Variants in EPS8 observed in about 807,000 individuals in gnomAD.
EPS8 encodes the protein EGFR pathway substrate 8, signaling adaptor.
A neutral mutation model predicts 103.8 loss-of-function variants in EPS8; 42 were observed. That is an observed-to-expected ratio of 0.40 (90% CI 0.32 to 0.52). The LOEUF is 0.52. EPS8 is among the 20% of genes least tolerant of loss of function. The pLI is 0.40. For synonymous variants in EPS8, 344 were observed against 344.6 expected, an observed-to-expected ratio of 1.00 and a Z score of 0.02; for missense variants, 969 against 1,005.1, an observed-to-expected ratio of 0.96 and a Z score of 0.49.
chr12:15,657,802 T>C (rs901837142), intron 12 of EPS8: 10 of 340,494 alleles, frequency 2.9e-5, no homozygotes, highest in South Asian at 1.5e-4. Context: ...CTAGTATACG[T>C]TGAAATACTG....
At position 15,654,053 on chromosome 12, in the gene EPS8, C is replaced by T. The variant is rs1945463841; in HGVS notation, c.1250+92G>A. 4.8e-6 allele frequency: 6 copies of T among 1,250,620 alleles called. No individual in the cohort carries two copies. In the Admixed American group the frequency reaches 8.1e-5, roughly 17 times the overall value. The allele number at this position is 1,250,620 out of a possible 1,614,324, so 77.5% of individuals were successfully genotyped here. ...TTTTTTCATCCTATGACGCTTAGTC[C>T]TTCGTATGTAGAAGGTTAAATAAAT... On this transcript the variant is annotated intron_variant, in intron 13 of 20. Transcript: ENST00000281172.
At chr12:15,709,111 TC>T (rs1422977092) in intron 1 of EPS8, among the ~76,000 whole-genome samples, 3 of 152,184 alleles carry the variant, frequency 2.0e-5, no homozygotes, top group Admixed American at 6.5e-5. Flanking sequence ...TTCATTTTTT[TC>T]AGTAACCAAA....
Position 15,734,719 on chromosome 12 carries a change from AAAAC to A in EPS8, c.-21-51751_-21-51748del, listed in dbSNP as rs1480553516. Among the ~76,000 whole-genome samples the A allele has an allele frequency of 1.3e-5, 2 of 152,152 alleles. No individual in the cohort carries two copies. The highest frequency in any genetic ancestry group is 2.4e-5 in the African/African-American group (1 of 41,428). On this transcript the variant is annotated intron_variant, in intron 1 of 20. Transcript: ENST00000281172. This position sits in a 1 kb window ranked among gnomAD's most constrained non-coding sequence, Gnocchi z 4.1. ...GAGCGAGACTCTGTCTCAAAAACAA[AAAAC>A]AAACAAACAAAAAAAAACAAAAAAG...
intron 6 of EPS8, among the ~76,000 whole-genome samples, chr12:15,667,363 T>C (rs11612558): frequency 0.37 from 56,061 of 151,898 alleles, 12,182 homozygotes; most frequent in Admixed American, 0.51. Context: ...GGAGTACTTG[T>C]ATAAAAGGGC....
intron 1 of EPS8, among the ~76,000 whole-genome samples, chr12:15,689,697 A>C (rs574893315): frequency 6.6e-6 from 1 of 152,222 alleles, no homozygotes; most frequent in African/African-American, 2.4e-5. Flanking sequence ...ATTAGTATTA[A>C]CTATAGTCAC....
chr12:15,689,060 C>A (rs1476762459), intron 1 of EPS8, among the ~76,000 whole-genome samples: 2 of 152,058 alleles, frequency 1.3e-5, no homozygotes, highest in Non-Finnish European at 2.9e-5. Context: ...GACAAAGGAA[C>A]TTTTCTTGTT....
At chr12:15,743,512 T>C (rs1375329305) in intron 1 of EPS8, among the ~76,000 whole-genome samples, 2 of 152,250 alleles carry the variant, frequency 1.3e-5, no homozygotes, top group Non-Finnish European at 2.9e-5. Flanking sequence ...CTTCAAACTA[T>C]ACTACAAGGC....
At chr12:15,666,933 C>CT (rs1415217906) in intron 6 of EPS8, among the ~76,000 whole-genome samples, 5 of 152,170 alleles carry the variant, frequency 3.3e-5, no homozygotes, top group African/African-American at 1.2e-4. Context: ...CAAAACAAAT[C>CT]TTTGAGTTTA....
rs1004970235 is a variant in EPS8, at chr12:15,734,701, ACT to A, written c.-21-51731_-21-51730del. Reference sequence around the variant, plus strand: ...AGAGCGAGACTCCGTACAGAGCGAGACTCTGTCTCAAAAACAAAAAACAAACA... The same window carrying A: ...AGAGCGAGACTCCGTACAGAGCGAGACTGTCTCAAAAACAAAAAACAAACA... On this transcript the variant is annotated intron_variant, in intron 1 of 20. Coordinates refer to ENST00000281172, the MANE Select transcript of EPS8 (RefSeq NM_004447.6). The surrounding 1 kb of genome is among the most constrained non-coding windows in gnomAD (Gnocchi z 4.1). Among the ~76,000 whole-genome samples the A allele has an allele frequency of 1.3e-5, 2 of 152,102 alleles. No individual in the cohort carries two copies. Among genetic ancestry groups the A allele is most frequent in the African/African-American group, 4.8e-5 (2 of 41,394 alleles).
Position 15,721,070 on chromosome 12 carries a change from G to A in EPS8, c.-21-38098C>T, listed in dbSNP as rs1946589656. Among the ~76,000 whole-genome samples the A allele has an allele frequency of 6.6e-6, 1 of 152,152 alleles. No individual in the cohort carries two copies. Among genetic ancestry groups the A allele is most frequent in the Admixed American group, 6.5e-5 (1 of 15,276 alleles). ...GAATACATACTTCTTGAGGGCAAGG[G>A]CCAGCCTTTGTTTACCACTGTATCC... On this transcript the variant is annotated intron_variant, in intron 1 of 20. Transcript: ENST00000281172. The surrounding 1 kb of genome is among the most constrained non-coding windows in gnomAD (Gnocchi z 4.4).
intron 1 of EPS8, chr12:15,788,143 G>C (rs1160738365): frequency 6.6e-6 from 1 of 152,138 alleles, no homozygotes; most frequent in Non-Finnish European, 1.5e-5. Flanking sequence ...AAATGACAAA[G>C]CCAAAAAGTC....
At chr12:15,630,622 T>C (rs1945028162) in intron 18 of EPS8, among the ~76,000 whole-genome samples, 1 of 152,204 alleles carries the variant, frequency 6.6e-6, no homozygotes, top group South Asian at 2.1e-4. Flanking sequence ...AGGCTAAATC[T>C]GAGACTACTA....
In EPS8 at chr12:15,698,061, G is replaced by A. The variant is rs1196731687; in HGVS notation, c.-21-15089C>T. On this transcript the variant is annotated intron_variant, in intron 1 of 20. Transcript: ENST00000281172. This position sits in a 1 kb window ranked among gnomAD's most constrained non-coding sequence, Gnocchi z 4.9. ...TGACACTCTTATATCCAACTTTGAGGCAACATATGTTTTACAAAGCATGGG... is the reference window on the plus strand; with the variant it reads ...TGACACTCTTATATCCAACTTTGAGACAACATATGTTTTACAAAGCATGGG... Among the ~76,000 whole-genome samples the A allele has an allele frequency of 1.3e-5, 2 of 152,040 alleles. No homozygotes were observed. The highest frequency in any genetic ancestry group is 2.4e-5 in the African/African-American group (1 of 41,404).
At chr12:15,705,485 A>G (rs1373561337) in intron 1 of EPS8, among the ~76,000 whole-genome samples, 1 of 151,860 alleles carries the variant, frequency 6.6e-6, no homozygotes, top group African/African-American at 2.4e-5. Context: ...CAAGGGGTTT[A>G]AAAAAAATCT....
At chr12:15,632,083 G>A (rs935730413) in intron 17 of EPS8, among the ~76,000 whole-genome samples, 2 of 151,990 alleles carry the variant, frequency 1.3e-5, no homozygotes, top group Admixed American at 6.6e-5. Context: ...TTAAATGTAC[G>A]CTATATTCAA....
rs922842382 is a variant in EPS8 at position 15,690,970 on chromosome 12, T to C, written c.-21-7998A>G. Among the ~76,000 whole-genome samples, 3 of 94,142 alleles carry C rather than the reference T, an allele frequency of 3.2e-5. No individual in the cohort carries two copies. Among genetic ancestry groups the C allele is most frequent in the Non-Finnish European group, 5.2e-5 (2 of 38,212 alleles). The allele number at this position is 94,142 out of a possible 152,430, so 61.8% of individuals were successfully genotyped here. A position where few individuals can be genotyped will look rare whatever the true frequency, so the allele number is the denominator to read the frequency against. On this transcript the variant is annotated intron_variant, in intron 1 of 20. Coordinates refer to ENST00000281172, the MANE Select transcript of EPS8 (RefSeq NM_004447.6). The surrounding 1 kb of genome is among the most constrained non-coding windows in gnomAD (Gnocchi z 4.7). ...AGTCAGTTCCACTAACTGTCTACAC[T>C]TGGCTGAATATAAAAAAAACAAGCC...
At position 15,725,738 on chromosome 12, in the gene EPS8, T is replaced by A. The variant is rs375114515; in HGVS notation, c.-21-42766A>T. ...AATAACAGAGAAATGAACAAAAAGA[T>A]GGAAAAATATGAATTTTAAAAATTT... is the stretch of plus-strand genomic sequence containing the variant. On this transcript the variant is annotated intron_variant, in intron 1 of 20. Coordinates refer to ENST00000281172, the MANE Select transcript of EPS8 (RefSeq NM_004447.6). The surrounding 1 kb of genome is among the most constrained non-coding windows in gnomAD (Gnocchi z 4.5). 4.6e-5 allele frequency among the ~76,000 whole-genome samples: 7 copies of A among 152,084 alleles called. No individual in the cohort carries two copies. The East Asian group carries it at 1.4e-3, about 29-fold the overall frequency.
chr12:15,743,297 T>A (rs562059954), intron 1 of EPS8, among the ~76,000 whole-genome samples: 2 of 152,322 alleles, frequency 1.3e-5, no homozygotes, highest in Admixed American at 1.3e-4. Flanking sequence ...TCCATGCTCA[T>A]GGATAGGAAG....
intron 13 of EPS8, among the ~76,000 whole-genome samples, chr12:15,651,918 G>A (rs765836427): frequency 1.4e-4 from 22 of 151,822 alleles, no homozygotes; most frequent in African/African-American, 5.1e-4. Flanking sequence ...AATATATTTC[G>A]TTTTGATGTA....
Sources: gnomAD v4.1 joint callset for allele counts (sites outside exome capture counted in the v4.1 genomes callset) on GRCh38, gnomAD v4.1.1 for gene constraint, Gnocchi (gnomAD v3.1) non-coding constraint, MANE v1.5 for transcripts, NCBI Gene and HGNC (gene_info 2026-07-23, HGNC 2026-07-21) for gene names.